Variants in KDELR2 observed in about 807,000 individuals in gnomAD.
KDELR2 encodes the protein KDEL endoplasmic reticulum protein retention receptor 2, also known as ER lumen protein-retaining receptor 2.
In KDELR2, 15 loss-of-function variants were observed where a neutral mutation model predicts 23.9. The observed-to-expected ratio is 0.63, with a 90% CI of 0.42 to 0.97. KDELR2 has a LOEUF of 0.97. Among genes scored for constraint, KDELR2 ranks in the 50% least tolerant of loss-of-function variants. The probability of loss-of-function intolerance (pLI) is 0.00; values close to 1 mark genes in which losing one functional copy is unlikely to be tolerated. For synonymous variants in KDELR2, 119 were observed against 106.2 expected, an observed-to-expected ratio of 1.12 and a Z score of -0.74; for missense variants, 272 against 254.6, an observed-to-expected ratio of 1.07 and a Z score of -0.46.
chr7:6,465,405 G>C (rs919619546), intron 4 of KDELR2, among the ~76,000 whole-genome samples: 2 of 151,012 alleles, frequency 1.3e-5, no homozygotes, highest in Non-Finnish European at 2.9e-5. Context: ...GGATGGTCTC[G>C]ATCTCCTGAC....
At chr7:6,479,232 G>C (rs1045054484) in intron 1 of KDELR2, among the ~76,000 whole-genome samples, 24 of 151,854 alleles carry the variant, frequency 1.6e-4, no homozygotes, top group African/African-American at 5.8e-4. Context: ...ATCACGGCTC[G>C]CTGCAACCTC....
intron 1 of KDELR2, among the ~76,000 whole-genome samples, chr7:6,479,768 C>T (rs1186679263): frequency 1.3e-5 from 2 of 152,212 alleles, no homozygotes; most frequent in Non-Finnish European, 2.9e-5. Context: ...TGAGCCACCA[C>T]GCCCAGCCAA....
intron 1 of KDELR2, among the ~76,000 whole-genome samples, chr7:6,483,082 T>C (rs562975568): frequency 2.6e-5 from 4 of 152,226 alleles, no homozygotes; most frequent in Admixed American, 6.5e-5. Context: ...CCAAAACTAT[T>C]ATCTGGGAAA....
At position 6,469,030 on chromosome 7, in the gene KDELR2, C is replaced by T. The variant is rs60330243; in HGVS notation, c.351+566G>A. 1.8e-3 allele frequency among the ~76,000 whole-genome samples: 274 copies of T among 151,638 alleles called. 1 individual carries two copies. The highest frequency in any genetic ancestry group is 6.3e-3 in the African/African-American group (261 of 41,332). ...GTAGTGGCACAATCTCAGCTCACTGCAAGCTCCACCTCCCGGGTTCACGCC... is the reference window on the plus strand; with the variant it reads ...GTAGTGGCACAATCTCAGCTCACTGTAAGCTCCACCTCCCGGGTTCACGCC... On this transcript the variant is annotated intron_variant, in intron 3 of 4. Transcript: ENST00000258739.
chr7:6,483,971 G>A lies in KDELR2; in HGVS notation c.87C>T (p.Cys29=), dbSNP rs1429482557. 1 of 1,528,632 alleles carries A rather than the reference G, an allele frequency of 6.5e-7. No homozygotes were observed. Among genetic ancestry groups the A allele is most frequent in the Non-Finnish European group, 8.8e-7 (1 of 1,135,780 alleles). The allele number at this position is 1,528,632 out of a possible 1,614,324, so 94.7% of individuals were successfully genotyped here. Residue 29 remains cysteine (C), a synonymous_variant, in exon 1 of 5, where the codon TGC becomes TGT. Transcript: ENST00000258739. ...LLLKIWKTRS[C]AGISGKSQLL... The stretch of plus-strand genomic sequence containing the variant: ...GGGCCTTCCCCCGCCGCTCACCGGC[G>A]CAGGAGCGCGTCTTCCAGATCTTCA...
intron 4 of KDELR2, among the ~76,000 whole-genome samples, chr7:6,464,744 T>C (rs1335522987): frequency 6.7e-6 from 1 of 149,938 alleles, no homozygotes. Context: ...CTTTTTTTTT[T>C]TTTTTTTTGA....
intron 3 of KDELR2, among the ~76,000 whole-genome samples, chr7:6,468,382 T>G (rs970500251): frequency 9.2e-5 from 14 of 152,206 alleles, no homozygotes; most frequent in Non-Finnish European, 1.6e-4. Flanking sequence ...AAGGCTGGAG[T>G]GCAGTGGCTC....
At chr7:6,475,214 G>T (rs192791302) in intron 1 of KDELR2, among the ~76,000 whole-genome samples, 1 of 152,130 alleles carries the variant, frequency 6.6e-6, no homozygotes, top group Non-Finnish European at 1.5e-5. Flanking sequence ...GGGCTAAGGC[G>T]GGAGAATCGC....
intron 2 of KDELR2, among the ~76,000 whole-genome samples, chr7:6,472,623 G>A (rs1785673082): frequency 6.6e-6 from 1 of 152,112 alleles, no homozygotes; most frequent in Non-Finnish European, 1.5e-5. Context: ...TCCATTATAA[G>A]TGACTCAAAT....
chr7:6,482,317 T>C (rs1785917798), intron 1 of KDELR2: 2 of 200,014 alleles, frequency 1.0e-5, no homozygotes, highest in Non-Finnish European at 2.1e-5. Context: ...GTTATTTTAA[T>C]GACTACCTGG....
In KDELR2 at chr7:6,466,242, C is replaced by G; in HGVS notation, c.433G>C (p.Glu145Gln). 1 of 1,614,112 alleles carries G rather than the reference C, an allele frequency of 6.2e-7. No individual in the cohort carries two copies. Among genetic ancestry groups the G allele is most frequent in the Non-Finnish European group, 8.5e-7 (1 of 1,179,996 alleles). The change falls in exon 4 of 5, where the codon GAG becomes CAG. Residue 145 changes from glutamate to glutamine, a missense_variant. Glu to Gln is a conservative substitution (Grantham distance 29). Coordinates refer to ENST00000258739, the MANE Select transcript of KDELR2 (RefSeq NM_006854.4). ...AACAGGTAGTGGGTGGTGATGGTCTCGGCCTCCCCAGTCTTGCTGATCATA... is the reference window on the plus strand; with the variant it reads ...AACAGGTAGTGGGTGGTGATGGTCTGGGCCTCCCCAGTCTTGCTGATCATA... ...LFMISKTGEAETITTHYLFFL... is the reference protein window; with the variant it reads ...LFMISKTGEAQTITTHYLFFL...
rs925296303 is a variant in KDELR2 at position 6,461,881 on chromosome 7, T to G, written c.*1260A>C. ...AAAATCAGGAAAAAAATTCTAGTAT[T>G]TCCACAAAATACATAATGTCTTACA... On this transcript the variant is annotated 3_prime_UTR_variant, in exon 5 of 5. Transcript: ENST00000258739. The G allele has an allele frequency of 1.3e-5, 2 of 152,110 alleles. No homozygotes were observed. The highest frequency in any genetic ancestry group is 4.1e-4 in the South Asian group (2 of 4,828). The allele number at this position is 152,110 out of a possible 1,614,324, so 9.4% of individuals were successfully genotyped here. A position where few individuals can be genotyped will look rare whatever the true frequency, so the allele number is the denominator to read the frequency against.
chr7:6,467,947 G>C (rs760759979), intron 3 of KDELR2, among the ~76,000 whole-genome samples: 2 of 152,172 alleles, frequency 1.3e-5, no homozygotes, highest in Non-Finnish European at 2.9e-5. Flanking sequence ...CTAAAGGCAA[G>C]AGGTGCAGAG....
intron 1 of KDELR2, among the ~76,000 whole-genome samples, chr7:6,479,974 T>C (rs1260941828): frequency 6.6e-6 from 1 of 152,198 alleles, no homozygotes; most frequent in South Asian, 2.1e-4. Context: ...TTACCCACTA[T>C]ATTACTCCAA....
At chr7:6,476,927 A>G (rs1405662785) in intron 1 of KDELR2, among the ~76,000 whole-genome samples, 1 of 152,224 alleles carries the variant, frequency 6.6e-6, no homozygotes, top group Non-Finnish European at 1.5e-5. Context: ...TCCATCTTGT[A>G]TTCCCTGCAT....
At chr7:6,463,293 G>C (rs1341756336) in intron 4 of KDELR2, 118 bp from the exon 5 acceptor site, 3 of 741,084 alleles carry the variant, frequency 4.0e-6, no homozygotes, top group Non-Finnish European at 6.6e-6. Flanking sequence ...TAAGGTATAG[G>C]AAATAAGCAA....
chr7:6,482,703 C>T, intron 1 of KDELR2: 1 of 295,696 alleles, frequency 3.4e-6, no homozygotes, highest in Non-Finnish European at 7.5e-6. Flanking sequence ...TCTTTTACTG[C>T]CTCTGAAAAA....
intron 2 of KDELR2, among the ~76,000 whole-genome samples, chr7:6,472,502 C>T (rs533672301): frequency 3.9e-5 from 6 of 152,312 alleles, no homozygotes; most frequent in African/African-American, 1.4e-4. Context: ...CTTGCTCACA[C>T]ACCTCTAATG....
chr7:6,474,313 G>A lies in KDELR2; in HGVS notation c.92-29C>T. The A allele has an allele frequency of 2.0e-6, 3 of 1,475,180 alleles. No individual in the cohort carries two copies. In the South Asian group the frequency reaches 3.4e-5, roughly 17 times the overall value. 91.4% of individuals were successfully genotyped at this position (1,475,180 alleles called of 1,614,324 possible). ...GAGAAACAGAAGGGAAGTATTAGAA[G>A]GGCCTGAAGAGCTTTGGGATTCCTG... On this transcript the variant is annotated intron_variant, in intron 1 of 4. Coordinates refer to ENST00000258739, the MANE Select transcript of KDELR2 (RefSeq NM_006854.4).
Sources: allele counts gnomAD v4.1 joint callset (sites outside exome capture counted in the v4.1 genomes callset), GRCh38; gene constraint gnomAD v4.1.1; transcripts MANE v1.5; gene names NCBI Gene and HGNC (gene_info 2026-07-23, HGNC 2026-07-21).